CFAP20DC: variants seen among roughly 807,000 people sequenced by gnomAD.
CFAP20DC encodes the protein protein CFAP20DC.
In CFAP20DC, 84 loss-of-function variants were observed where a neutral mutation model predicts 101.7. The observed-to-expected ratio is 0.83, with a 90% CI of 0.69 to 0.99. CFAP20DC has a LOEUF of 0.99. Among genes scored for constraint, CFAP20DC ranks in the 50% least tolerant of loss-of-function variants. The pLI, the probability that CFAP20DC is intolerant of heterozygous loss-of-function variation, is 0.00. For missense variants in CFAP20DC, 1,007 were observed against 970.3 expected (o/e 1.04, Z -0.50); for synonymous variants, 359 against 351.2 (o/e 1.02, Z -0.25).
chr3:58,813,645 G>A (rs1397901782), intron 14 of CFAP20DC, among the ~76,000 whole-genome samples: 4 of 151,840 alleles, frequency 2.6e-5, no homozygotes, highest in Non-Finnish European at 4.4e-5. Flanking sequence ...GTAGGTGATG[G>A]GAATTCTTCA....
intron 4 of CFAP20DC, among the ~76,000 whole-genome samples, chr3:59,010,300 T>C (rs1477854898): frequency 6.6e-6 from 1 of 152,132 alleles, no homozygotes; most frequent in Non-Finnish European, 1.5e-5. Context: ...AAGTATCTGC[T>C]GTCTTCAAGA....
At chr3:58,946,711 A>G (rs986722353) in intron 4 of CFAP20DC, among the ~76,000 whole-genome samples, 26 of 152,290 alleles carry the variant, frequency 1.7e-4, no homozygotes, top group African/African-American at 5.5e-4. Flanking sequence ...GAACATCCGA[A>G]TTGGTACAAG....
intron 13 of CFAP20DC, among the ~76,000 whole-genome samples, chr3:58,842,891 C>T (rs972074959): frequency 6.6e-6 from 1 of 152,226 alleles, no homozygotes; most frequent in Non-Finnish European, 1.5e-5. Context: ...AGGCAACCCC[C>T]AGCAGGGGCA....
At chr3:58,723,621 G>A (rs60391919) in intron 3 of CFAP20DC, among the ~76,000 whole-genome samples, 17,182 of 152,238 alleles carry the variant, frequency 0.11, 1,709 homozygotes, top group East Asian at 0.36. Context: ...AATGTGAGTG[G>A]TGGTTAGGAG....
rs981256310 is a variant in CFAP20DC at position 58,848,895 on chromosome 3, C to T, written c.1971+137G>A. On this transcript the variant is annotated intron_variant, in intron 13 of 16. Coordinates refer to ENST00000482387, the MANE Select transcript of CFAP20DC (RefSeq NM_001394063.1). ...CAGCTGCTATTACCAAACTAAAACA[C>T]ATCAGAACAGGAAAGAAAATACAAC... is the stretch of plus-strand genomic sequence containing the variant. The T allele has an allele frequency of 4.6e-6, 5 of 1,092,260 alleles. No homozygotes were observed. The African/African-American group carries it at 4.8e-5, about 10-fold the overall frequency. 67.7% of individuals were successfully genotyped at this position (1,092,260 alleles called of 1,614,324 possible).
intron 12 of CFAP20DC, among the ~76,000 whole-genome samples, chr3:58,853,902 G>A (rs1233674033): frequency 6.6e-6 from 1 of 151,428 alleles, no homozygotes; most frequent in African/African-American, 2.4e-5. Context: ...AAAACTGGAA[G>A]CATTCCCTTT....
At chr3:58,758,800 A>T (rs138964752) in intron 15 of CFAP20DC, among the ~76,000 whole-genome samples, 12,513 of 151,494 alleles carry the variant, frequency 0.083, 877 homozygotes, top group East Asian at 0.35. Flanking sequence ...TGGTTTTTTG[A>T]CCTTGCGATA....
At chr3:58,736,071 A>G (rs2067747790) in intron 3 of CFAP20DC, among the ~76,000 whole-genome samples, 1 of 152,180 alleles carries the variant, frequency 6.6e-6, no homozygotes, top group African/African-American at 2.4e-5. Context: ...TGAATTGAAA[A>G]GATATTATAA....
intron 12 of CFAP20DC, among the ~76,000 whole-genome samples, chr3:58,854,606 C>T (rs1176657602): frequency 6.6e-6 from 1 of 152,106 alleles, no homozygotes; most frequent in Admixed American, 6.5e-5. Flanking sequence ...CTACAGTAAC[C>T]AAAACAGCAT....
At position 58,849,080 on chromosome 3, in the gene CFAP20DC, G is replaced by C. The variant is rs1468005194; in HGVS notation, c.1923C>G (p.Ser641=). 2.6e-6 allele frequency: 4 copies of C among 1,535,934 alleles called. No individual in the cohort carries two copies. The highest frequency in any genetic ancestry group is 4.9e-5 in the East Asian group (2 of 40,912). Residue 641 remains serine (S), a synonymous_variant, in exon 13 of 17, where the codon TCC becomes TCG. Coordinates refer to ENST00000482387, the MANE Select transcript of CFAP20DC (RefSeq NM_001394063.1). ...GCCTTTCCCCTGAGATTTCTTTCAG[G>C]GAGGTTTTGTTTAGTGAAGCTGGCA... ...QQVPASLNKT[S]LKEISGERLS...
At chr3:58,731,301 A>C (rs1034098422) in intron 3 of CFAP20DC, among the ~76,000 whole-genome samples, 6 of 152,254 alleles carry the variant, frequency 3.9e-5, no homozygotes, top group African/African-American at 1.2e-4. Context: ...GAATCCTACA[A>C]CACCACAATT....
chr3:58,737,207 C>G, downstream of CFAP20DC: 1 of 456,548 alleles, frequency 2.2e-6, no homozygotes, highest in South Asian at 1.5e-5. This position sits in a 1 kb window ranked among gnomAD's most constrained non-coding sequence, Gnocchi z 4.1. Context: ...ACAGCCTGGT[C>G]AGGAGTGTGT....
intron 7 of CFAP20DC, among the ~76,000 whole-genome samples, chr3:58,876,095 G>C (rs936836357): frequency 2.6e-5 from 4 of 151,736 alleles, no homozygotes; most frequent in African/African-American, 9.7e-5. Flanking sequence ...TTGCACATTT[G>C]GTACACTTTA....
chr3:58,803,911 A>G (rs1229697365), intron 15 of CFAP20DC, among the ~76,000 whole-genome samples: 1 of 152,264 alleles, frequency 6.6e-6, no homozygotes, highest in African/African-American at 2.4e-5. Context: ...ATTATTTCAT[A>G]TTCTATCTTG....
intron 6 of CFAP20DC, among the ~76,000 whole-genome samples, chr3:58,896,115 C>T (rs1431875704): frequency 9.2e-5 from 14 of 152,162 alleles, no homozygotes; most frequent in South Asian, 8.3e-4. Flanking sequence ...TCCTGGTTCA[C>T]TCTTGGGAGG....
intron 12 of CFAP20DC, chr3:58,862,879 A>G (rs1382153652): frequency 3.4e-5 from 33 of 983,104 alleles, no homozygotes; most frequent in Non-Finnish European, 4.0e-5. Context: ...CTATGGGGAA[A>G]AAGTTATCAA....
intron 15 of CFAP20DC, among the ~76,000 whole-genome samples, chr3:58,804,245 T>C (rs2073901468): frequency 6.6e-6 from 1 of 152,214 alleles, no homozygotes; most frequent in Non-Finnish European, 1.5e-5. Flanking sequence ...TGAGATTATA[T>C]ACTATGTTAT....
intron 4 of CFAP20DC, among the ~76,000 whole-genome samples, chr3:58,998,517 G>A (rs539243269): frequency 6.6e-6 from 1 of 152,268 alleles, no homozygotes; most frequent in South Asian, 2.1e-4. Context: ...ACCCTTTTAA[G>A]CTCTCATGCC....
intron 4 of CFAP20DC, chr3:59,017,748 G>A (rs2093720315): frequency 6.6e-6 from 1 of 152,102 alleles, no homozygotes. Flanking sequence ...TCCAACTTGA[G>A]CTAGTTCACC....
Sources: gnomAD v4.1 joint callset for allele counts (sites outside exome capture counted in the v4.1 genomes callset) on GRCh38, gnomAD v4.1.1 for gene constraint, Gnocchi (gnomAD v3.1) non-coding constraint, MANE v1.5 for transcripts, NCBI Gene and HGNC (gene_info 2026-07-23, HGNC 2026-07-21) for gene names.